Variants in ZNF536 observed in about 807,000 individuals in gnomAD.
ZNF536 encodes the protein zinc finger protein 536.
A neutral mutation model predicts 84.5 loss-of-function variants in ZNF536; 13 were observed. The ratio of observed to expected loss-of-function variants is 0.15; its 90% CI spans 0.10 to 0.24. The LOEUF is 0.24. ZNF536 is among the 10% of genes least tolerant of loss of function. The probability of loss-of-function intolerance (pLI) is 1.00; values close to 1 mark genes in which losing one functional copy is unlikely to be tolerated. For synonymous variants in ZNF536, 811 were observed against 742.5 expected (o/e 1.09, Z -1.50); for missense variants, 1,536 against 1,747.5 (o/e 0.88, Z 2.16).
At chr19:30,240,602 G>A (rs963945232) in intron 1 of ZNF536, among the ~76,000 whole-genome samples, 4 of 152,176 alleles carry the variant, frequency 2.6e-5, no homozygotes, top group Non-Finnish European at 5.9e-5. Flanking sequence ...CACATGAACT[G>A]TTCCAGAGAC....
rs145245724 is a variant in ZNF536 at position 30,503,464 on chromosome 19, G to A, written c.2171-31383G>A. ...CCTGTATTTACTGACTTGGAAAAATGCCCATGACATATTGTTGAATGAAAG... is the reference window on the plus strand; with the variant it reads ...CCTGTATTTACTGACTTGGAAAAATACCCATGACATATTGTTGAATGAAAG... On this transcript the variant is annotated intron_variant, in intron 2 of 4. Coordinates refer to ENST00000355537, the MANE Select transcript of ZNF536 (RefSeq NM_014717.3). 1.1e-4 allele frequency among the ~76,000 whole-genome samples: 16 copies of A among 152,312 alleles called. 1 individual carries two copies. Among genetic ancestry groups the A allele is most frequent in the African/African-American group, 3.6e-4 (15 of 41,568 alleles).
intron 3 of ZNF536, among the ~76,000 whole-genome samples, chr19:30,537,686 C>T (rs1410088898): frequency 1.3e-5 from 2 of 152,200 alleles, no homozygotes; most frequent in Non-Finnish European, 2.9e-5. Context: ...ATGGTTATTG[C>T]TCTTCGCAGT....
chr19:30,273,852 T>G (rs1402404648), intron 1 of ZNF536, among the ~76,000 whole-genome samples: 2 of 152,224 alleles, frequency 1.3e-5, no homozygotes, highest in Non-Finnish European at 1.5e-5. Flanking sequence ...TGTTCTTAAC[T>G]ATGTTCATGA....
chr19:30,380,332 C>A (rs1165657935), intron 1 of ZNF536, among the ~76,000 whole-genome samples: 1 of 152,142 alleles, frequency 6.6e-6, no homozygotes, highest in African/African-American at 2.4e-5. Context: ...TGGCAGGAAA[C>A]TTCGTCCTTG....
chr19:30,545,385 CTTTTTTTTTTTTTTTT>C (rs772761287), intron 3 of ZNF536, among the ~76,000 whole-genome samples: 27 of 67,660 alleles, frequency 4.0e-4, no homozygotes, highest in Non-Finnish European at 6.7e-4. Context: ...TCCCATATGT[CTTTTTTTTTTTTTTTT>C]TTTTTTTTTT....
At chr19:30,287,016 G>A (rs2045653525) in intron 2 of ZNF536, among the ~76,000 whole-genome samples, 1 of 152,198 alleles carries the variant, frequency 6.6e-6, no homozygotes, top group Admixed American at 6.5e-5. Flanking sequence ...TTTGGTGCAG[G>A]AAGCATTTTA....
intron 1 of ZNF536, among the ~76,000 whole-genome samples, chr19:30,568,039 A>G (rs2046414689): frequency 6.6e-6 from 1 of 152,220 alleles, no homozygotes. Flanking sequence ...ATAATTAAAA[A>G]CATATGGTGC....
At chr19:30,292,689 A>G (rs2045881840) in intron 2 of ZNF536, among the ~76,000 whole-genome samples, 1 of 152,158 alleles carries the variant, frequency 6.6e-6, no homozygotes, top group Admixed American at 6.5e-5. Flanking sequence ...AAAAATTGTA[A>G]TTATACAAAG....
intron 3 of ZNF536, among the ~76,000 whole-genome samples, chr19:30,543,923 A>G (rs1303817867): frequency 6.6e-6 from 1 of 152,138 alleles, no homozygotes; most frequent in Non-Finnish European, 1.5e-5. Context: ...GCCTGGCTAG[A>G]AACATGCCCT....
chr19:30,507,721 C>T (rs1489818529), intron 2 of ZNF536, among the ~76,000 whole-genome samples: 5 of 152,134 alleles, frequency 3.3e-5, no homozygotes, highest in Admixed American at 1.3e-4. Flanking sequence ...ACAATCAAGA[C>T]ACCTTAAGTT....
At chr19:30,563,551 A>C (rs868792494) in intron 1 of ZNF536, among the ~76,000 whole-genome samples, 1 of 152,196 alleles carries the variant, frequency 6.6e-6, no homozygotes, top group African/African-American at 2.4e-5. Flanking sequence ...TTTAATTTTA[A>C]ATCACAAAGG....
At chr19:30,555,284 C>T (rs1184011028) in intron 4 of ZNF536, 5 of 152,186 alleles carry the variant, frequency 3.3e-5, no homozygotes, top group Non-Finnish European at 5.9e-5. Flanking sequence ...GTTTGCATGA[C>T]GTCGTGGAGC....
chr19:30,535,190 ACCTCG>A (rs144305765), intron 3 of ZNF536, among the ~76,000 whole-genome samples, 191 bp downstream of exon 3: 12 of 152,004 alleles, frequency 7.9e-5, no homozygotes, highest in African/African-American at 2.7e-4. Context: ...ACTAACATTC[ACCTCG>A]CAAATGACTC....
intron 1 of ZNF536, among the ~76,000 whole-genome samples, chr19:30,253,489 G>A (rs1240592634): frequency 6.6e-6 from 1 of 152,216 alleles, no homozygotes; most frequent in Admixed American, 6.5e-5. Flanking sequence ...GCTGTGTTGA[G>A]AGCAGCCCCT....
chr19:30,367,709 C>T (rs142685917), upstream of ZNF536, among the ~76,000 whole-genome samples: 15 of 152,296 alleles, frequency 9.8e-5, no homozygotes, highest in East Asian at 2.5e-3. Flanking sequence ...GTGACAGCAG[C>T]GCAGTGAGAC....
chr19:30,375,502 T>G (rs991456002), intron 1 of ZNF536, among the ~76,000 whole-genome samples: 16 of 152,136 alleles, frequency 1.1e-4, no homozygotes, highest in Non-Finnish European at 1.8e-4. Context: ...CCGCGCACCC[T>G]ACACCCTCCT....
At chr19:30,287,179 C>T (rs2045658023) in intron 2 of ZNF536, among the ~76,000 whole-genome samples, 1 of 127,466 alleles carries the variant, frequency 7.8e-6, no homozygotes, top group African/African-American at 2.9e-5. Flanking sequence ...GCTTTGGTGA[C>T]TAGATGGATG....
At chr19:30,331,292 T>TAAAAAAAAA (rs11324495) in intron 2 of ZNF536, among the ~76,000 whole-genome samples, 12 of 41,738 alleles carry the variant, frequency 2.9e-4, no homozygotes, top group African/African-American at 1.1e-3. Flanking sequence ...CCCTGTATCT[T>TAAAAAAAAA]AAAAAAAAAA....
chr19:30,625,694 C>T (rs577787024), intron 1 of ZNF536, among the ~76,000 whole-genome samples: 1 of 152,262 alleles, frequency 6.6e-6, no homozygotes, highest in South Asian at 2.1e-4. Context: ...GCTCCCCAGC[C>T]CAAGTCAGTT....
Sources: gnomAD v4.1 joint callset for allele counts (sites outside exome capture counted in the v4.1 genomes callset) on GRCh38, gnomAD v4.1.1 for gene constraint, MANE v1.5 for transcripts, NCBI Gene and HGNC (gene_info 2026-07-23, HGNC 2026-07-21) for gene names.